NFKB1: variants seen among roughly 807,000 people sequenced by gnomAD.
NFKB1 encodes the protein nuclear factor NF-kappa-B p105 subunit.
NFKB1 carries 9 observed loss-of-function variants against 105.1 expected under a neutral mutation model. The observed-to-expected ratio is 0.09, with a 90% CI of 0.05 to 0.15. NFKB1 has a LOEUF of 0.15. Among genes scored for constraint, NFKB1 ranks in the 10% least tolerant of loss-of-function variants. The pLI is 1.00. For synonymous variants in NFKB1, 440 were observed against 442.2 expected (o/e 1.00, Z 0.06); for missense variants, 830 against 1,203.7 (o/e 0.69, Z 4.59).
intron 5 of NFKB1, among the ~76,000 whole-genome samples, chr4:102,549,414 G>GTA (rs1313927780): frequency 1.4e-5 from 2 of 147,772 alleles, no homozygotes; most frequent in African/African-American, 2.5e-5. Context: ...TTTTATATAT[G>GTA]TATAAAACTT....
intron 7 of NFKB1, 176 bp from the exon 8 acceptor site, chr4:102,578,705 A>T: frequency 1.7e-6 from 1 of 582,774 alleles, no homozygotes; most frequent in South Asian, 3.0e-5. Context: ...GATGCCTTTC[A>T]TATTGGATGA....
intron 2 of NFKB1, 88 bp from the exon 3 acceptor site, chr4:102,529,745 CTAT>C (rs1193294754): frequency 7.8e-6 from 7 of 902,598 alleles, no homozygotes; most frequent in Non-Finnish European, 1.2e-5. Flanking sequence ...AGTTTCATTC[CTAT>C]TATTACATTT....
At chr4:102,613,025 A>C (rs1441184571) in intron 22 of NFKB1, among the ~76,000 whole-genome samples, 2 of 151,748 alleles carry the variant, frequency 1.3e-5, no homozygotes, top group African/African-American at 2.4e-5. Flanking sequence ...TTTCATTTCT[A>C]AAAATAAAAT....
Position 102,606,719 on chromosome 4 carries a change from T to C in NFKB1, c.1954+22T>C, listed in dbSNP as rs4648095. The C allele has an allele frequency of 0.046, 73,188 of 1,601,214 alleles. 1,810 individuals are homozygous for C. The highest frequency in any genetic ancestry group is 0.091 in the African/African-American group (6,810 of 74,808). ...GACGGTAAGAGACAATCACACATCATTGGTGTAACTTTCTCCACCTTCTAA... is the reference window on the plus strand; with the variant it reads ...GACGGTAAGAGACAATCACACATCACTGGTGTAACTTTCTCCACCTTCTAA... On this transcript the variant is annotated intron_variant, in intron 17 of 23. Coordinates refer to ENST00000226574, the MANE Select transcript of NFKB1 (RefSeq NM_003998.4).
chr4:102,593,926 A>G (rs1560704252), intron 12 of NFKB1, among the ~76,000 whole-genome samples: 1 of 152,182 alleles, frequency 6.6e-6, no homozygotes, highest in South Asian at 2.1e-4. Flanking sequence ...ATATAGCTAT[A>G]TATTAAACAT....
intron 14 of NFKB1, 62 bp downstream of exon 14, chr4:102,596,394 GA>G: frequency 2.3e-6 from 3 of 1,323,338 alleles, no homozygotes; most frequent in Non-Finnish European, 3.1e-6. Context: ...CCTAGGTGCA[GA>G]AAGATATCTG....
intron 1 of NFKB1, among the ~76,000 whole-genome samples, chr4:102,523,606 A>C (rs1420983589): frequency 6.6e-6 from 1 of 152,170 alleles, no homozygotes; most frequent in Admixed American, 6.5e-5. Context: ...AACAAAGTTT[A>C]TTTCTTTCTC....
At chr4:102,551,367 T>TGTGC (rs370790173) in intron 5 of NFKB1, among the ~76,000 whole-genome samples, 7 of 150,094 alleles carry the variant, frequency 4.7e-5, no homozygotes, top group African/African-American at 1.5e-4. Flanking sequence ...TGTGTGTGTG[T>TGTGC]GCGCGCGCGC....
At chr4:102,601,159 TGA>T in intron 16 of NFKB1, 150 bp downstream of exon 16, 1 of 590,444 alleles carries the variant, frequency 1.7e-6, no homozygotes, top group South Asian at 2.1e-5. Flanking sequence ...TCCCATTAGT[TGA>T]GAATGTTACT....
intron 1 of NFKB1, among the ~76,000 whole-genome samples, chr4:102,505,049 A>G (rs1003466716): frequency 6.6e-6 from 1 of 152,210 alleles, no homozygotes; most frequent in Non-Finnish European, 1.5e-5. Context: ...TTTAATGATG[A>G]TGAAATTGCT....
intron 11 of NFKB1, among the ~76,000 whole-genome samples, chr4:102,585,298 A>G (rs1040659585): frequency 2.0e-5 from 3 of 152,200 alleles, no homozygotes; most frequent in African/African-American, 4.8e-5. Flanking sequence ...GCTTATTTTT[A>G]GAAGAGACAG....
chr4:102,510,739 ACTTGAG>A, intron 1 of NFKB1: 1 of 173,478 alleles, frequency 5.8e-6, no homozygotes. Context: ...TTTATGGAAA[ACTTGAG>A]ACAAAAATTG....
At chr4:102,559,803 G>A (rs563572824) in intron 5 of NFKB1, among the ~76,000 whole-genome samples, 2 of 151,592 alleles carry the variant, frequency 1.3e-5, no homozygotes, top group Non-Finnish European at 2.9e-5. Flanking sequence ...ACCAGGTGTG[G>A]TGGCATGCAC....
At chr4:102,565,301 G>T (rs762891194) in intron 5 of NFKB1, among the ~76,000 whole-genome samples, 1 of 152,158 alleles carries the variant, frequency 6.6e-6, no homozygotes, top group Non-Finnish European at 1.5e-5. Context: ...CTTTGCAGCA[G>T]TTCTAGCCAA....
chr4:102,611,705 T>C lies in NFKB1; in HGVS notation c.2353-339T>C, dbSNP rs4648108. The stretch of plus-strand genomic sequence containing the variant: ...GCTCTGAGTAAGCTCTTCACTAGCC[T>C]TAGGTCTCTGAGCAGGAGATGATTG... On this transcript the variant is annotated intron_variant, in intron 20 of 23. Coordinates refer to ENST00000226574, the MANE Select transcript of NFKB1 (RefSeq NM_003998.4). 3.8e-3 allele frequency among the ~76,000 whole-genome samples: 577 copies of C among 152,304 alleles called. 5 individuals are homozygous for C. Among genetic ancestry groups the C allele is most frequent in the African/African-American group, 0.014 (563 of 41,560 alleles).
intron 8 of NFKB1, 35 bp from the exon 9 acceptor site, chr4:102,580,500 A>T (rs1335746761): frequency 5.7e-6 from 9 of 1,570,366 alleles, no homozygotes; most frequent in Non-Finnish European, 7.9e-6. Flanking sequence ...GCTGAGGATT[A>T]ATCATGTTAT....
At chr4:102,554,184 G>A (rs1475949683) in intron 5 of NFKB1, among the ~76,000 whole-genome samples, 3 of 152,124 alleles carry the variant, frequency 2.0e-5, no homozygotes, top group Non-Finnish European at 2.9e-5. Context: ...GGTGACTCAC[G>A]CAGTATCATA....
chr4:102,614,386 G>A lies in NFKB1; in HGVS notation c.2749+805G>A, dbSNP rs530543986. Among the ~76,000 whole-genome samples the A allele has an allele frequency of 4.9e-4, 75 of 152,030 alleles. 1 individual carries two copies. In the East Asian group the frequency reaches 0.014, roughly 28 times the overall value. ...TAGCCGTTCCTCCTCCCCACTCTCC[G>A]ACTAGGTCACCTAGCAAGCATTTCA... On this transcript the variant is annotated intron_variant, in intron 23 of 23. Transcript: ENST00000226574.
intron 6 of NFKB1, 145 bp downstream of exon 6, chr4:102,567,280 T>C (rs1723956888): frequency 3.5e-6 from 3 of 849,310 alleles, no homozygotes; most frequent in East Asian, 5.2e-5. Flanking sequence ...TGTGCTTTCA[T>C]TTGGACTCCA....
Sources: gnomAD v4.1 joint callset for allele counts (sites outside exome capture counted in the v4.1 genomes callset) on GRCh38, gnomAD v4.1.1 for gene constraint, MANE v1.5 for transcripts, NCBI Gene and HGNC (gene_info 2026-07-23, HGNC 2026-07-21) for gene names.